Variants in MGST1 observed in about 807,000 individuals in gnomAD.
The protein encoded by MGST1 is glutathione S-transferase 12.
MGST1 carries 5 observed loss-of-function variants against 8.9 expected under a neutral mutation model. That is an observed-to-expected ratio of 0.56 (90% confidence interval 0.29 to 1.19). The LOEUF (loss-of-function observed/expected upper bound fraction) is 1.19, where lower values mean the gene tolerates loss of function less well. MGST1 is among the 50% of genes most tolerant of loss of function. The pLI, the probability that MGST1 is intolerant of heterozygous loss-of-function variation, is 0.08. For synonymous variants in MGST1, 54 were observed against 67.8 expected, an observed-to-expected ratio of 0.80 and a Z score of 1.00; for missense variants, 182 against 187.4, an observed-to-expected ratio of 0.97 and a Z score of 0.17.
chr12:16,359,501 G>A (rs1341391295), intron 3 of MGST1, among the ~76,000 whole-genome samples: 1 of 152,132 alleles, frequency 6.6e-6, no homozygotes, highest in African/African-American at 2.4e-5. Context: ...TCTTGAGAAT[G>A]GGTTGTGTCA....
At chr12:16,465,607 T>C (rs1160043009) in intron 4 of MGST1, among the ~76,000 whole-genome samples, 2 of 152,192 alleles carry the variant, frequency 1.3e-5, no homozygotes, top group African/African-American at 4.8e-5. Flanking sequence ...CTAATGCCTA[T>C]AAGGTGTCAC....
intron 1 of MGST1, among the ~76,000 whole-genome samples, chr12:16,396,502 G>A (rs142837085): frequency 0.017 from 2,590 of 152,230 alleles, 80 homozygotes; most frequent in African/African-American, 0.059. Flanking sequence ...AACTGTAGCT[G>A]TTTGCTGATG....
chr12:16,524,365 T>C (rs113066155), intron 4 of MGST1, among the ~76,000 whole-genome samples: 2 of 152,104 alleles, frequency 1.3e-5, no homozygotes, highest in African/African-American at 4.8e-5. Context: ...CAAACCTGTT[T>C]GTGAAAAGAA....
rs1438400495 is a variant in MGST1, at chr12:16,555,785, C to T, written n.483-33743C>T. Among the ~76,000 whole-genome samples, 3 of 152,150 alleles carry T rather than the reference C, an allele frequency of 2.0e-5. No homozygotes were observed. Among genetic ancestry groups the T allele is most frequent in the Non-Finnish European group, 4.4e-5 (3 of 68,022 alleles). The stretch of plus-strand genomic sequence containing the variant: ...CATCTGCATGCCTTTGCACGTTGCT[C>T]AATTTGCCTGAAAATTCCTTTCCTC... On this transcript the variant is annotated intron_variant and non_coding_transcript_variant, in intron 4 of 4. Transcript: ENST00000538857. The surrounding 1 kb of genome is among the most constrained non-coding windows in gnomAD (Gnocchi z 5.5).
intron 1 of MGST1, among the ~76,000 whole-genome samples, chr12:16,398,762 A>G (rs1315680859): frequency 1.3e-5 from 2 of 152,252 alleles, no homozygotes; most frequent in Non-Finnish European, 2.9e-5. Context: ...CTCAAGTTGT[A>G]TAGTTTATCA....
chr12:16,508,174 C>T (rs1044827074), intron 4 of MGST1, among the ~76,000 whole-genome samples: 6 of 152,032 alleles, frequency 3.9e-5, no homozygotes, highest in African/African-American at 1.4e-4. Context: ...TGAAGAGCTT[C>T]GTACTAAATA....
downstream of MGST1, among the ~76,000 whole-genome samples, chr12:16,592,687 A>T (rs1943531387): frequency 6.6e-6 from 1 of 151,944 alleles, no homozygotes. Context: ...AACAAAAAAT[A>T]AGTGGTATGC....
intron 4 of MGST1, among the ~76,000 whole-genome samples, chr12:16,457,583 A>G (rs1265193441): frequency 1.3e-5 from 2 of 151,894 alleles, no homozygotes; most frequent in Non-Finnish European, 2.9e-5. Flanking sequence ...TGGTCCATCT[A>G]TTATTATATT....
intron 1 of MGST1, among the ~76,000 whole-genome samples, chr12:16,414,074 T>A (rs538473011): frequency 1.7e-4 from 26 of 150,466 alleles, no homozygotes; most frequent in African/African-American, 2.7e-4. Flanking sequence ...AAAAAAAAAA[T>A]AATAATAATA....
rs1440224138 is a variant in MGST1 at position 16,544,234 on chromosome 12, A to G, written n.483-45294A>G. The stretch of plus-strand genomic sequence containing the variant: ...TTAAGTAAGAACTACACACACACAC[A>G]CACACACACACACACACACACACAC... On this transcript the variant is annotated intron_variant and non_coding_transcript_variant, in intron 4 of 4. Coordinates refer to the MGST1 transcript ENST00000538857. The surrounding 1 kb of genome is among the most constrained non-coding windows in gnomAD (Gnocchi z 4.8). Among the ~76,000 whole-genome samples, 3 of 112,322 alleles carry G rather than the reference A, an allele frequency of 2.7e-5. No homozygotes were observed. Among genetic ancestry groups the G allele is most frequent in the South Asian group, 3.1e-4 (1 of 3,212 alleles). 73.7% of individuals were successfully genotyped at this position (112,322 alleles called of 152,430 possible).
At chr12:16,590,632 A>G (rs1683655960), downstream of MGST1, among the ~76,000 whole-genome samples, 1 of 152,020 alleles carries the variant, frequency 6.6e-6, no homozygotes, top group African/African-American at 2.4e-5. Flanking sequence ...CATTGTGATC[A>G]GGACAGTTTG....
At chr12:16,351,691 T>A (rs927004014) in intron 1 of MGST1, among the ~76,000 whole-genome samples, 3 of 151,990 alleles carry the variant, frequency 2.0e-5, no homozygotes, top group African/African-American at 7.3e-5. Context: ...GCACCTGTAA[T>A]CCCAGCTACT....
At chr12:16,429,302 T>G (rs1180803949) in intron 1 of MGST1, among the ~76,000 whole-genome samples, 1 of 152,144 alleles carries the variant, frequency 6.6e-6, no homozygotes. Flanking sequence ...TGCTGAGCAG[T>G]TTGAACTACT....
chr12:16,492,788 T>A (rs1941448118), intron 4 of MGST1, among the ~76,000 whole-genome samples: 2 of 152,102 alleles, frequency 1.3e-5, no homozygotes, highest in African/African-American at 4.8e-5. Flanking sequence ...ACATTCCCAA[T>A]CAGGATATGG....
upstream of MGST1, chr12:16,347,309 A>AC (rs1939246107): frequency 6.6e-6 from 1 of 152,188 alleles, no homozygotes; most frequent in Non-Finnish European, 1.5e-5. This position sits in a 1 kb window ranked among gnomAD's most constrained non-coding sequence, Gnocchi z 4.0. Context: ...AATTAGTTCT[A>AC]CCCTGGAGAT....
rs189395031 is a variant in MGST1, at chr12:16,517,965, C to T, written n.483-71563C>T. ...TTGTTCTTCACACCCAAGGACCAGA[C>T]ACTAGGCAGTGATACATTCACCAAA... On this transcript the variant is annotated intron_variant and non_coding_transcript_variant, in intron 4 of 4. Transcript: ENST00000538857. The surrounding 1 kb of genome is among the most constrained non-coding windows in gnomAD (Gnocchi z 4.2). 1.2e-4 allele frequency among the ~76,000 whole-genome samples: 18 copies of T among 152,284 alleles called. No individual in the cohort carries two copies. The highest frequency in any genetic ancestry group is 7.2e-4 in the Admixed American group (11 of 15,298).
At chr12:16,516,911 G>T (rs1941618608) in intron 4 of MGST1, among the ~76,000 whole-genome samples, 1 of 152,128 alleles carries the variant, frequency 6.6e-6, no homozygotes, top group Non-Finnish European at 1.5e-5. Context: ...TTTCAGAGAT[G>T]ACTTAACTTA....
intron 1 of MGST1, among the ~76,000 whole-genome samples, chr12:16,386,673 G>T (rs1281877835): frequency 6.6e-6 from 1 of 152,106 alleles, no homozygotes; most frequent in Non-Finnish European, 1.5e-5. Context: ...GTGAGTTTGC[G>T]AACACCCAAA....
chr12:16,489,718 C>T (rs1941426511), intron 4 of MGST1, among the ~76,000 whole-genome samples: 1 of 152,136 alleles, frequency 6.6e-6, no homozygotes, highest in Non-Finnish European at 1.5e-5. Context: ...CAGGCAGAGA[C>T]ACTTTTTCAA....
Sources: gnomAD v4.1 joint callset for allele counts (sites outside exome capture counted in the v4.1 genomes callset) on GRCh38, gnomAD v4.1.1 for gene constraint, Gnocchi (gnomAD v3.1) non-coding constraint, MANE v1.5 for transcripts, NCBI Gene and HGNC (gene_info 2026-07-23, HGNC 2026-07-21) for gene names.